ATXN1: variants seen among roughly 807,000 people sequenced by gnomAD.
ATXN1 encodes ataxin-1.
In ATXN1, 8 loss-of-function variants were observed where a neutral mutation model predicts 56.4. The observed-to-expected ratio is 0.14, with a 90% confidence interval of 0.08 to 0.26. The LOEUF (loss-of-function observed/expected upper bound fraction) is 0.26. Among genes scored for constraint, ATXN1 ranks in the 10% least tolerant of loss-of-function variants. ATXN1 has a pLI of 1.00. For synonymous variants in ATXN1, 514 were observed against 494.6 expected (o/e 1.04, Z -0.52); for missense variants, 987 against 1,106.5 (o/e 0.89, Z 1.53).
chr6:16,452,018 C>T (rs983555489), intron 6 of ATXN1, among the ~76,000 whole-genome samples: 9 of 152,086 alleles, frequency 5.9e-5, no homozygotes, highest in Non-Finnish European at 1.3e-4. Flanking sequence ...CTTAGGCGTC[C>T]GAATGTCAGG....
intron 3 of ATXN1, among the ~76,000 whole-genome samples, chr6:16,601,558 C>T (rs1258524349): frequency 6.6e-6 from 1 of 152,054 alleles, no homozygotes; most frequent in Non-Finnish European, 1.5e-5. Flanking sequence ...CACTTAAAAT[C>T]TATTTATTTC....
intron 3 of ATXN1, among the ~76,000 whole-genome samples, chr6:16,624,706 T>A (rs925316560): frequency 6.6e-6 from 1 of 152,142 alleles, no homozygotes; most frequent in African/African-American, 2.4e-5. Flanking sequence ...ATATAAAAAA[T>A]TGTGAAAGTC....
chr6:16,612,734 T>C (rs1250776996), intron 3 of ATXN1, among the ~76,000 whole-genome samples: 1 of 151,016 alleles, frequency 6.6e-6, no homozygotes, highest in African/African-American at 2.4e-5. Context: ...GTACTAAAAA[T>C]ACAAAAATTA....
chr6:16,439,171 C>A (rs1335787111), intron 6 of ATXN1, among the ~76,000 whole-genome samples: 1 of 151,598 alleles, frequency 6.6e-6, no homozygotes, highest in Non-Finnish European at 1.5e-5. Flanking sequence ...TATGAAGGGC[C>A]TCCAAGAATT....
intron 7 of ATXN1, among the ~76,000 whole-genome samples, chr6:16,315,491 T>G (rs1317763775): frequency 6.6e-6 from 1 of 152,142 alleles, no homozygotes; most frequent in Non-Finnish European, 1.5e-5. Flanking sequence ...GTAGCAACAG[T>G]GGTCTCCTTG....
At chr6:16,664,417 T>C (rs1325840753) in intron 2 of ATXN1, among the ~76,000 whole-genome samples, 1 of 152,156 alleles carries the variant, frequency 6.6e-6, no homozygotes, top group East Asian at 1.9e-4. Context: ...GCCCATATCA[T>C]ATACCAGCCG....
At chr6:16,379,514 C>A (rs2113503308) in intron 6 of ATXN1, among the ~76,000 whole-genome samples, 1 of 152,354 alleles carries the variant, frequency 6.6e-6, no homozygotes, top group East Asian at 1.9e-4. Context: ...ACTATCAATT[C>A]TATTCCTTTG....
At chr6:16,479,205 A>G (rs1760387424) in intron 6 of ATXN1, among the ~76,000 whole-genome samples, 1 of 152,188 alleles carries the variant, frequency 6.6e-6, no homozygotes, top group African/African-American at 2.4e-5. Flanking sequence ...TATAAGCACA[A>G]ATACAAAAAA....
intron 2 of ATXN1, among the ~76,000 whole-genome samples, chr6:16,715,019 A>G (rs1759609506): frequency 6.6e-6 from 1 of 151,868 alleles, no homozygotes; most frequent in Non-Finnish European, 1.5e-5. Context: ...ACACCTTCCC[A>G]TACTCCCTCT....
At chr6:16,496,903 C>G (rs888942841) in intron 5 of ATXN1, among the ~76,000 whole-genome samples, 1 of 152,132 alleles carries the variant, frequency 6.6e-6, no homozygotes, top group African/African-American at 2.4e-5. Context: ...CTCCCCTCCT[C>G]CTTCATCTTG....
intron 5 of ATXN1, among the ~76,000 whole-genome samples, chr6:16,495,610 C>T (rs1373427866): frequency 2.0e-5 from 3 of 152,160 alleles, no homozygotes; most frequent in African/African-American, 7.2e-5. Flanking sequence ...CGCCTATAAT[C>T]CCTGTACTTT....
At chr6:16,560,524 G>A (rs528316209) in intron 4 of ATXN1, among the ~76,000 whole-genome samples, 2 of 152,164 alleles carry the variant, frequency 1.3e-5, no homozygotes, top group Admixed American at 6.5e-5. Context: ...TCTAAAGGGG[G>A]CAGGGGTGGA....
intron 4 of ATXN1, among the ~76,000 whole-genome samples, chr6:16,530,612 G>A (rs906547651): frequency 6.6e-6 from 1 of 152,202 alleles, no homozygotes; most frequent in African/African-American, 2.4e-5. Context: ...GAGGGTGGAG[G>A]TGGGAGGACA....
chr6:16,679,317 T>TGGATGG (rs1758761764), intron 2 of ATXN1, among the ~76,000 whole-genome samples: 6 of 127,372 alleles, frequency 4.7e-5, no homozygotes, highest in African/African-American at 1.8e-4. Flanking sequence ...GATGGATGGA[T>TGGATGG]ATATGGGTGG....
chr6:16,379,940 T>A (rs1035574421), intron 6 of ATXN1, among the ~76,000 whole-genome samples: 3 of 152,046 alleles, frequency 2.0e-5, no homozygotes, highest in African/African-American at 7.2e-5. Context: ...AGGAACAAAA[T>A]AGGAAACTTA....
chr6:16,415,593 C>T (rs1317511173), intron 6 of ATXN1, among the ~76,000 whole-genome samples: 3 of 152,192 alleles, frequency 2.0e-5, no homozygotes, highest in African/African-American at 2.4e-5. Flanking sequence ...AATAGGGCTT[C>T]GCATAAAACC....
At chr6:16,401,237 C>T (rs1758562825) in intron 6 of ATXN1, among the ~76,000 whole-genome samples, 1 of 152,170 alleles carries the variant, frequency 6.6e-6, no homozygotes, top group East Asian at 1.9e-4. Context: ...TTTGAAGCCA[C>T]ATTTGCCCGT....
intron 2 of ATXN1, among the ~76,000 whole-genome samples, chr6:16,745,859 C>T (rs1760514503): frequency 6.6e-6 from 1 of 151,932 alleles, no homozygotes; most frequent in Non-Finnish European, 1.5e-5. Flanking sequence ...CTCCTCCTAC[C>T]CTGACTATAC....
At chr6:16,702,588 G>T (rs1317542024) in intron 2 of ATXN1, among the ~76,000 whole-genome samples, 1 of 152,032 alleles carries the variant, frequency 6.6e-6, no homozygotes. Flanking sequence ...TCTACTCATC[G>T]GACAAAGGGC....
Sources: gnomAD v4.1 joint callset for allele counts (sites outside exome capture counted in the v4.1 genomes callset) on GRCh38, gnomAD v4.1.1 for gene constraint, MANE v1.5 for transcripts, NCBI Gene and HGNC (gene_info 2026-07-23, HGNC 2026-07-21) for gene names.